CFAP54: variants seen among roughly 807,000 people sequenced by gnomAD.
The protein encoded by CFAP54 is cilia- and flagella-associated protein 54.
Under a neutral mutation model 370.4 loss-of-function variants are expected in CFAP54, and 290 were observed. The observed-to-expected ratio is 0.78, with a 90% CI of 0.71 to 0.86. The LOEUF is 0.86. Ranked by LOEUF, CFAP54 falls within the 40% of genes least tolerant of loss-of-function variation. The pLI is 0.00. For missense variants in CFAP54, 3,399 were observed against 3,528.7 expected, an observed-to-expected ratio of 0.96 and a Z score of 0.93; for synonymous variants, 1,206 against 1,236.5, an observed-to-expected ratio of 0.98 and a Z score of 0.52.
chr12:96,709,520 G>A (rs1277695936), intron 48 of CFAP54, among the ~76,000 whole-genome samples: 1 of 151,962 alleles, frequency 6.6e-6, no homozygotes. Flanking sequence ...TCTATTCTTA[G>A]TTTGTCAAGT....
At chr12:96,858,378 A>G (rs991189470) in intron 66 of CFAP54, among the ~76,000 whole-genome samples, 1 of 152,156 alleles carries the variant, frequency 6.6e-6, no homozygotes, top group Non-Finnish European at 1.5e-5. Context: ...AGTTCCTCAT[A>G]GATGCTGGAT....
Position 96,731,184 on chromosome 12 carries a change from C to T in CFAP54, c.6966-8772C>T, listed in dbSNP as rs553861414. 8.5e-5 allele frequency among the ~76,000 whole-genome samples: 13 copies of T among 152,330 alleles called. No individual in the cohort carries two copies. In the East Asian group the frequency reaches 2.1e-3, roughly 25 times the overall value. On this transcript the variant is annotated intron_variant, in intron 50 of 67. Coordinates refer to ENST00000524981, the MANE Select transcript of CFAP54 (RefSeq NM_001306084.2). ...CTGTACTAGTAGTTACTGCTGTCTT[C>T]ATTCCTGCACACTTGTAATTTAAAA...
intron 58 of CFAP54, among the ~76,000 whole-genome samples, chr12:96,762,153 A>G (rs1413279556): frequency 2.0e-5 from 3 of 152,180 alleles, no homozygotes; most frequent in African/African-American, 7.2e-5. Flanking sequence ...TGAGTCTTAT[A>G]CATTTTTGTT....
intron 26 of CFAP54, among the ~76,000 whole-genome samples, chr12:96,608,271 G>C (rs768447285): frequency 3.3e-5 from 5 of 150,202 alleles, no homozygotes; most frequent in Non-Finnish European, 7.4e-5. Flanking sequence ...AAAGATTTTT[G>C]GTGCATGGTT....
At chr12:96,864,362 C>G (rs1167162228) in intron 67 of CFAP54, among the ~76,000 whole-genome samples, 1 of 152,142 alleles carries the variant, frequency 6.6e-6, no homozygotes, top group Non-Finnish European at 1.5e-5. Context: ...CCATATCTTT[C>G]TCCATATCAA....
At chr12:96,575,431 C>T (rs1340831235) in intron 19 of CFAP54, among the ~76,000 whole-genome samples, 1 of 151,922 alleles carries the variant, frequency 6.6e-6, no homozygotes, top group Non-Finnish European at 1.5e-5. Flanking sequence ...AGTGTGCTTT[C>T]GGTGTTCCAG....
Position 96,621,645 on chromosome 12 carries a change from A to G in CFAP54, c.3695A>G (p.Lys1232Arg), listed in dbSNP as rs1956490208. 3.3e-6 allele frequency: 5 copies of G among 1,524,834 alleles called. No individual in the cohort carries two copies. Among genetic ancestry groups the G allele is most frequent in the Non-Finnish European group, 4.4e-6 (5 of 1,138,832 alleles). The allele number at this position is 1,524,834 out of a possible 1,614,324, so 94.5% of individuals were successfully genotyped here. Residue 1232 changes from lysine (K) to arginine (R), a missense_variant, in exon 27 of 68, where the codon AAA (lysine) becomes AGA (arginine). This residue lies in a region of CFAP54 where 2,796 missense variants were observed against 2,869.7 expected (regional missense o/e 0.97). Transcript: ENST00000524981. Reference protein sequence around the residue: ...DLAVMIINYGKKMLDITPGCK... With the variant: ...DLAVMIINYGRKMLDITPGCK... ...GCAGTAATGATTATAAATTATGGGAAAAAAATGTTGGACATCACACCAGGA... is the reference window on the plus strand; with the variant it reads ...GCAGTAATGATTATAAATTATGGGAGAAAAATGTTGGACATCACACCAGGA...
chr12:96,775,550 G>A (rs1186036024), intron 60 of CFAP54, among the ~76,000 whole-genome samples: 10 of 151,924 alleles, frequency 6.6e-5, no homozygotes, highest in Admixed American at 2.0e-4. Flanking sequence ...ACCATTTTTA[G>A]CTCATGAGTC....
intron 27 of CFAP54, among the ~76,000 whole-genome samples, chr12:96,623,297 A>G (rs1240040959): frequency 6.6e-6 from 1 of 152,096 alleles, no homozygotes; most frequent in Non-Finnish European, 1.5e-5. Context: ...TTAATCCACT[A>G]ATTGCTGATC....
intron 38 of CFAP54, among the ~76,000 whole-genome samples, chr12:96,662,191 C>T (rs1011275987): frequency 2.6e-5 from 4 of 152,092 alleles, no homozygotes; most frequent in Admixed American, 1.3e-4. Flanking sequence ...CACTTTCAGC[C>T]TATAATATAT....
chr12:96,608,120 A>G (rs915371009), intron 26 of CFAP54, among the ~76,000 whole-genome samples: 15 of 152,136 alleles, frequency 9.9e-5, no homozygotes, highest in African/African-American at 3.4e-4. Flanking sequence ...ATTAGATAAT[A>G]ATGATGTGAC....
chr12:96,684,851 A>G (rs920557751), intron 41 of CFAP54, 116 bp downstream of exon 41: 4 of 981,706 alleles, frequency 4.1e-6, no homozygotes, highest in Middle Eastern at 2.1e-4. Flanking sequence ...ACAATACTAC[A>G]TTGCTACATT....
intron 30 of CFAP54, among the ~76,000 whole-genome samples, chr12:96,628,474 C>T: frequency 6.6e-6 from 1 of 152,076 alleles, no homozygotes; most frequent in Non-Finnish European, 1.5e-5. Flanking sequence ...ACATAACCAC[C>T]AGGTCAAGCA....
At position 96,717,661 on chromosome 12, in the gene CFAP54, A is replaced by C. The variant is rs112151342; in HGVS notation, c.6725-782A>C. Among the ~76,000 whole-genome samples the C allele has an allele frequency of 5.6e-3, 854 of 152,274 alleles. 8 individuals are homozygous for C. The highest frequency in any genetic ancestry group is 0.019 in the African/African-American group (791 of 41,550). On this transcript the variant is annotated intron_variant, in intron 48 of 67. Coordinates refer to ENST00000524981, the MANE Select transcript of CFAP54 (RefSeq NM_001306084.2). ...GGATCGTGGATGGAGATTTTGAAAG[A>C]GATATTTGAGTATTGTGGATTATGC...
At chr12:96,716,028 G>A (rs1441377180) in intron 48 of CFAP54, among the ~76,000 whole-genome samples, 3 of 152,046 alleles carry the variant, frequency 2.0e-5, no homozygotes, top group Admixed American at 1.3e-4. Flanking sequence ...CCTTCAGCAG[G>A]TGACATCACC....
intron 66 of CFAP54, among the ~76,000 whole-genome samples, chr12:96,835,806 A>G (rs941119487): frequency 2.0e-5 from 3 of 152,066 alleles, no homozygotes; most frequent in African/African-American, 7.2e-5. Context: ...TATCCCTGGG[A>G]GTGTGGGGCT....
At chr12:96,508,205 C>T (rs1955127869) in intron 4 of CFAP54, among the ~76,000 whole-genome samples, 1 of 144,462 alleles carries the variant, frequency 6.9e-6, no homozygotes, top group South Asian at 2.2e-4. Flanking sequence ...ATGATCACTG[C>T]AGCCTTGAGC....
chr12:96,563,058 A>G (rs1403346422), intron 17 of CFAP54, among the ~76,000 whole-genome samples: 1 of 152,220 alleles, frequency 6.6e-6, no homozygotes, highest in Admixed American at 6.5e-5. Flanking sequence ...AAACTAGCCC[A>G]TGATTCTCAC....
intron 12 of CFAP54, among the ~76,000 whole-genome samples, chr12:96,538,072 G>A (rs1300404160): frequency 6.9e-6 from 1 of 145,390 alleles, no homozygotes; most frequent in Non-Finnish European, 1.5e-5. Flanking sequence ...CAGCCTGAGT[G>A]ACAGAGTGAG....
Sources: allele counts gnomAD v4.1 joint callset (sites outside exome capture counted in the v4.1 genomes callset), GRCh38; gene constraint gnomAD v4.1.1; regional missense constraint gnomAD v4.1.1; transcripts MANE v1.5; gene names NCBI Gene and HGNC (gene_info 2026-07-23, HGNC 2026-07-21).